The following EFHB variants were observed in gnomAD, a reference collection of about 807,000 sequenced individuals.
The protein encoded by EFHB is EF-hand domain family member B, also known as EF-hand domain-containing family member B.
In EFHB, 91 loss-of-function variants were observed where a neutral mutation model predicts 87.2. That is an observed-to-expected ratio of 1.04 (90% CI 0.88 to 1.24). EFHB has a LOEUF of 1.24. EFHB is among the 50% of genes most tolerant of loss of function. The pLI is 0.00. For missense variants in EFHB, 1,084 were observed against 998.8 expected (o/e 1.09, Z -1.15); for synonymous variants, 325 against 333.6 (o/e 0.97, Z 0.28).
At chr3:19,923,203 G>A (rs1695498185) in intron 1 of EFHB, among the ~76,000 whole-genome samples, 1 of 151,738 alleles carries the variant, frequency 6.6e-6, no homozygotes, top group African/African-American at 2.4e-5. Context: ...GGAGGCGGAG[G>A]TTGCAGTGAG....
Position 19,880,605 on chromosome 3 carries a change from G to T in EFHB, c.2329-801C>A, listed in dbSNP as rs537358423. The stretch of plus-strand genomic sequence containing the variant: ...TTTATAAAATGTATCTAACTGGCCT[G>T]TTGGAACTTTAACTATGTGTGCAAA... On this transcript the variant is annotated intron_variant, in intron 12 of 12. Transcript: ENST00000295824. Among the ~76,000 whole-genome samples the T allele has an allele frequency of 4.6e-5, 7 of 152,292 alleles. No homozygotes were observed. In the East Asian group the frequency reaches 1.4e-3, roughly 29 times the overall value.
chr3:19,920,618 T>A (rs2125152925), intron 1 of EFHB, 51 bp from the exon 2 acceptor site: 1 of 1,440,316 alleles, frequency 6.9e-7, no homozygotes, highest in East Asian at 2.4e-5. Flanking sequence ...AGAGGAGCAT[T>A]TTGAAGAATG....
chr3:19,920,465 G>C (rs1189932251), intron 2 of EFHB, 40 bp downstream of exon 2: 14 of 1,525,320 alleles, frequency 9.2e-6, no homozygotes, highest in African/African-American at 8.4e-5. Context: ...TCACATAGAA[G>C]GTAAAAATAG....
intron 1 of EFHB, among the ~76,000 whole-genome samples, chr3:19,921,672 T>C (rs55851373): frequency 0.03 from 4,569 of 152,102 alleles, 234 homozygotes; most frequent in African/African-American, 0.1. Context: ...CACAATTACA[T>C]TGTGTGAGAA....
At chr3:19,930,099 A>G (rs1575047392) in intron 1 of EFHB, among the ~76,000 whole-genome samples, 1 of 152,260 alleles carries the variant, frequency 6.6e-6, no homozygotes, top group East Asian at 1.9e-4. Flanking sequence ...ATATTAATAT[A>G]GTAAGCCACC....
chr3:19,904,313 G>A (rs1694767760), intron 6 of EFHB, among the ~76,000 whole-genome samples: 1 of 152,180 alleles, frequency 6.6e-6, no homozygotes, highest in African/African-American at 2.4e-5. Context: ...TGAAATCAAA[G>A]TGTCAGTAAG....
At chr3:19,921,741 A>G (rs1695444105) in intron 1 of EFHB, among the ~76,000 whole-genome samples, 1 of 152,248 alleles carries the variant, frequency 6.6e-6, no homozygotes, top group Non-Finnish European at 1.5e-5. Flanking sequence ...GGCAAAAGCA[A>G]GACTGAGAAG....
At chr3:19,900,937 A>AG (rs1437794644) in intron 6 of EFHB, among the ~76,000 whole-genome samples, 2 of 152,144 alleles carry the variant, frequency 1.3e-5, no homozygotes, top group Non-Finnish European at 2.9e-5. Context: ...AAAAAAAAAA[A>AG]AAATGTAGAA....
At chr3:19,932,852 C>A (rs539648153) in intron 1 of EFHB, among the ~76,000 whole-genome samples, 33 of 152,164 alleles carry the variant, frequency 2.2e-4, no homozygotes, top group Non-Finnish European at 4.1e-4. Context: ...AAATAACTCA[C>A]AGACTAAACA....
rs780034879 is a variant in EFHB, at chr3:19,884,483, C to T, written c.2066G>A (p.Arg689Lys). The change falls in exon 11 of 13, where the codon AGA (arginine) becomes AAA (lysine). Residue 689 changes from arginine (R) to lysine (K), a missense_variant. By Grantham distance (26) the Arg-to-Lys change is conservative. Coordinates refer to ENST00000295824, the MANE Select transcript of EFHB (RefSeq NM_144715.4). The stretch of plus-strand genomic sequence containing the variant: ...GTAGTTGGAAACTTTATCACTTGGT[C>T]TCAGAAGTGTCCGGAGAGTCTTTTC... Reference protein sequence around the residue: ...STEKTLRTLLRPSDKVSNYYK... With the variant: ...STEKTLRTLLKPSDKVSNYYK... 6.2e-7 allele frequency: 1 copy of T among 1,613,834 alleles called. No individual in the cohort carries two copies. The highest frequency in any genetic ancestry group is 1.3e-5 in the African/African-American group (1 of 74,922).
chr3:19,926,573 C>T (rs1002382012), intron 1 of EFHB, among the ~76,000 whole-genome samples: 7 of 152,004 alleles, frequency 4.6e-5, no homozygotes, highest in Admixed American at 3.3e-4. Context: ...CTGTGTTAGC[C>T]GGGATGGTCT....
chr3:19,918,147 T>G, intron 4 of EFHB, 85 bp downstream of exon 4: 1 of 1,294,814 alleles, frequency 7.7e-7, no homozygotes, highest in Non-Finnish European at 1.1e-6. Context: ...TCACCAAACA[T>G]CATACAAATA....
intron 9 of EFHB, among the ~76,000 whole-genome samples, chr3:19,894,300 G>C (rs1003498740): frequency 2.6e-5 from 4 of 152,242 alleles, no homozygotes; most frequent in Middle Eastern, 3.4e-3. Flanking sequence ...CAACTGGCTT[G>C]TAAGCTTGCT....
intron 4 of EFHB, 25 bp from the exon 5 acceptor site, chr3:19,915,438 G>A (rs1472730535): frequency 2.7e-6 from 4 of 1,499,754 alleles, no homozygotes; most frequent in Non-Finnish European, 3.7e-6. Context: ...AATAAAATCA[G>A]TTCCAAGTCA....
At chr3:19,944,959 T>C (rs1696236786) in intron 1 of EFHB, among the ~76,000 whole-genome samples, 1 of 152,188 alleles carries the variant, frequency 6.6e-6, no homozygotes. Context: ...AGGTGCTCAT[T>C]AGCTATTAAA....
Position 19,888,605 on chromosome 3 carries a change from TCA to T in EFHB, c.1770_1771del (p.Cys590Ter). 1 of 1,607,674 alleles carries T rather than the reference TCA, an allele frequency of 6.2e-7. No individual in the cohort carries two copies. Among genetic ancestry groups the T allele is most frequent in the Non-Finnish European group, 8.5e-7 (1 of 1,176,766 alleles). On this transcript the variant is annotated stop_gained and frameshift_variant, in exon 10 of 13. Coordinates refer to ENST00000295824, the MANE Select transcript of EFHB (RefSeq NM_144715.4). LOFTEE classifies it high-confidence loss of function. ...GTCATCTAAACTCAAGTTGGCCTGG[TCA>T]CAAGCTTCCTGCAGCTCGTCTTTAT...
At chr3:19,931,995 T>C (rs1695846439) in intron 1 of EFHB, among the ~76,000 whole-genome samples, 1 of 152,184 alleles carries the variant, frequency 6.6e-6, no homozygotes, top group Non-Finnish European at 1.5e-5. Context: ...CTTCTTTACC[T>C]GTCATCTCAT....
intron 10 of EFHB, among the ~76,000 whole-genome samples, chr3:19,885,616 A>G (rs991372593): frequency 1.3e-5 from 2 of 152,212 alleles, no homozygotes; most frequent in African/African-American, 4.8e-5. Context: ...AAAATTCTAA[A>G]GGTTCTGGGG....
rs2071620119 is a variant in EFHB, at chr3:19,879,531, G to A, written c.*100C>T. 7.6e-7 allele frequency: 1 copy of A among 1,323,492 alleles called. No homozygotes were observed. Among genetic ancestry groups the A allele is most frequent in the Non-Finnish European group, 1.0e-6 (1 of 983,592 alleles). The allele number at this position is 1,323,492 out of a possible 1,614,324, so 82.0% of individuals were successfully genotyped here. On this transcript the variant is annotated 3_prime_UTR_variant, in exon 13 of 13. Transcript: ENST00000295824. ...ATACAGGCATATGAGTCTTACCACT[G>A]TGAACTCTAACATAATATCTAAAAC... is the stretch of plus-strand genomic sequence containing the variant.
Sources: allele counts gnomAD v4.1 joint callset (sites outside exome capture counted in the v4.1 genomes callset), GRCh38; gene constraint gnomAD v4.1.1; transcripts MANE v1.5; gene names NCBI Gene and HGNC (gene_info 2026-07-23, HGNC 2026-07-21).